The following AOAH variants were observed in gnomAD, a reference collection of about 807,000 sequenced individuals.
AOAH encodes the protein acyloxyacyl hydrolase.
Under a neutral mutation model 92.2 loss-of-function variants are expected in AOAH, and 64 were observed. The observed-to-expected ratio is 0.69, with a 90% CI of 0.57 to 0.86. The LOEUF (loss-of-function observed/expected upper bound fraction) is 0.86. Ranked by LOEUF, AOAH falls within the 40% of genes least tolerant of loss-of-function variation. The pLI is 0.00. For synonymous variants in AOAH, 263 were observed against 254.5 expected (o/e 1.03, Z -0.32); for missense variants, 656 against 694.6 (o/e 0.94, Z 0.62).
In AOAH at chr7:36,537,520, T is replaced by G. The variant is rs560536117; in HGVS notation, c.1306+2799A>C. On this transcript the variant is annotated intron_variant, in intron 16 of 20. Coordinates refer to ENST00000617537, the MANE Select transcript of AOAH (RefSeq NM_001637.4). ...GCACCCCTCTTGTTTTTTTTTTTTT[T>G]TTGTTTGTTTGTTTTGAGACTGAGT... Among the ~76,000 whole-genome samples the G allele has an allele frequency of 4.5e-4, 66 of 145,146 alleles. No individual in the cohort carries two copies. In the South Asian group the frequency reaches 0.014, roughly 30 times the overall value.
At chr7:36,561,980 G>A (rs1787304909) in intron 13 of AOAH, among the ~76,000 whole-genome samples, 1 of 152,202 alleles carries the variant, frequency 6.6e-6, no homozygotes, top group Non-Finnish European at 1.5e-5. Flanking sequence ...TACCCAAGGA[G>A]TGAGGACTTG....
At position 36,675,942 on chromosome 7, in the gene AOAH, A is replaced by AT. The variant is rs1211216836; in HGVS notation, c.224-1934dup. Among the ~76,000 whole-genome samples, 9 of 152,328 alleles carry AT rather than the reference A, an allele frequency of 5.9e-5. No homozygotes were observed. The East Asian group carries it at 1.2e-3, about 20-fold the overall frequency. On this transcript the variant is annotated intron_variant, in intron 2 of 20. Transcript: ENST00000617537. ...TGACAAAATATAACACTGCTTCATG[A>AT]TTTTATTAGGAATAAAAGGGAATGT...
At chr7:36,660,639 G>T (rs1180881671) in intron 3 of AOAH, among the ~76,000 whole-genome samples, 1 of 152,180 alleles carries the variant, frequency 6.6e-6, no homozygotes, top group African/African-American at 2.4e-5. Context: ...TATTCTTATG[G>T]AAGAAAGTAC....
chr7:36,655,327 G>A (rs1794814276), intron 4 of AOAH, among the ~76,000 whole-genome samples: 1 of 149,328 alleles, frequency 6.7e-6, no homozygotes, highest in Non-Finnish European at 1.5e-5. Context: ...TCAAAGGAGA[G>A]TTAACATTTT....
At chr7:36,524,605 G>A (rs28651571) in intron 19 of AOAH, among the ~76,000 whole-genome samples, 11,127 of 152,018 alleles carry the variant, frequency 0.073, 597 homozygotes, top group East Asian at 0.18. Context: ...GAACATGGGA[G>A]GCAGAGATTG....
At chr7:36,578,360 G>T (rs1312194781) in intron 12 of AOAH, among the ~76,000 whole-genome samples, 1 of 152,164 alleles carries the variant, frequency 6.6e-6, no homozygotes, top group South Asian at 2.1e-4. Context: ...ATGCTAGAAA[G>T]TTCTAAATTC....
In AOAH at chr7:36,621,736, G is replaced by A. The variant is rs200510886; in HGVS notation, c.627C>T (p.Ser209=). ...YHWRGRDCND[S]DESVYPGRRP... ...TTCTACCTGGGTACACTGACTCGTCGCTGTCATTACAGTCTCTCCCCCGCC... is the reference window on the plus strand; with the variant it reads ...TTCTACCTGGGTACACTGACTCGTCACTGTCATTACAGTCTCTCCCCCGCC... The change falls in exon 8 of 21, where the codon AGC becomes AGT. Residue 209 remains serine, a synonymous_variant. Coordinates refer to ENST00000617537, the MANE Select transcript of AOAH (RefSeq NM_001637.4). The A allele has an allele frequency of 3.3e-5, 53 of 1,613,914 alleles. No individual in the cohort carries two copies. The highest frequency in any genetic ancestry group is 3.8e-5 in the Non-Finnish European group (45 of 1,179,984).
intron 12 of AOAH, 109 bp from the exon 13 acceptor site, chr7:36,576,765 C>A: frequency 1.9e-6 from 1 of 524,818 alleles, no homozygotes; most frequent in South Asian, 3.3e-5. Context: ...AAAATGAACT[C>A]AAAAAATCAA....
At chr7:36,638,239 A>G (rs1244799410) in intron 4 of AOAH, among the ~76,000 whole-genome samples, 2 of 152,208 alleles carry the variant, frequency 1.3e-5, no homozygotes, top group Admixed American at 6.5e-5. Flanking sequence ...CAGAGAGGCA[A>G]TCTGAACCTC....
At chr7:36,588,951 ATCTCAGTTTTATT>A (rs1299164545) in intron 12 of AOAH, among the ~76,000 whole-genome samples, 2 of 152,134 alleles carry the variant, frequency 1.3e-5, no homozygotes. Context: ...CTGACTACAG[ATCTCAGTTTTATT>A]TCTCCAGCTT....
chr7:36,522,885 C>A (rs1028990204), intron 19 of AOAH, among the ~76,000 whole-genome samples: 1 of 152,154 alleles, frequency 6.6e-6, no homozygotes, highest in Non-Finnish European at 1.5e-5. Context: ...AGATTCCTCC[C>A]GTTCTTTACT....
At chr7:36,598,269 C>A (rs1418318144) in intron 11 of AOAH, 1 of 152,206 alleles carries the variant, frequency 6.6e-6, no homozygotes, top group Admixed American at 6.5e-5. Context: ...TGAATCACAA[C>A]TGGGGCCAGG....
intron 1 of AOAH, among the ~76,000 whole-genome samples, chr7:36,704,125 T>A (rs950088413): frequency 5.3e-5 from 8 of 152,166 alleles, no homozygotes; most frequent in African/African-American, 1.9e-4. Context: ...TTTTTTTTCA[T>A]GTTTGTTGGC....
chr7:36,622,735 G>A (rs1792370879), intron 7 of AOAH, among the ~76,000 whole-genome samples: 1 of 152,196 alleles, frequency 6.6e-6, no homozygotes, highest in Non-Finnish European at 1.5e-5. Context: ...TCATCACAAT[G>A]CTACAAAATC....
chr7:36,557,518 C>T (rs11973511), intron 13 of AOAH, among the ~76,000 whole-genome samples: 4,008 of 149,442 alleles, frequency 0.027, 164 homozygotes, highest in African/African-American at 0.094. Context: ...TTTCCTGAAT[C>T]TGAATGTTGG....
chr7:36,724,289 CAT>C lies in AOAH; in HGVS notation c.-143_-142del. On this transcript the variant is annotated 5_prime_UTR_variant, in exon 1 of 21. An upstream start codon of the reference 5' UTR is lost. Transcript: ENST00000617537. ...TTGACACACACACCCCACCCTCTCA[CAT>C]ACACACTTTTCAATAAGTGTGAAGT... 1.1e-6 allele frequency: 1 copy of C among 887,452 alleles called. No individual in the cohort carries two copies. Among genetic ancestry groups the C allele is most frequent in the Admixed American group, 2.4e-5 (1 of 41,050 alleles). The allele number at this position is 887,452 out of a possible 1,614,324, so 55.0% of individuals were successfully genotyped here.
intron 13 of AOAH, among the ~76,000 whole-genome samples, chr7:36,564,355 C>A (rs1156312057): frequency 6.6e-5 from 10 of 152,148 alleles, no homozygotes; most frequent in African/African-American, 2.4e-4. Flanking sequence ...CTTTGTTTCC[C>A]ATTTGATGAT....
chr7:36,517,562 T>C (rs1188158972), intron 20 of AOAH, among the ~76,000 whole-genome samples: 1 of 151,390 alleles, frequency 6.6e-6, no homozygotes, highest in Non-Finnish European at 1.5e-5. Context: ...GCAGCCTCTG[T>C]TAACATGGGG....
In AOAH at chr7:36,716,484, A is replaced by G. The variant is rs1177463163; in HGVS notation, c.127+7538T>C. Among the ~76,000 whole-genome samples the G allele has an allele frequency of 2.0e-5, 3 of 149,436 alleles. 1 individual carries two copies. Among genetic ancestry groups the G allele is most frequent in the African/African-American group, 7.6e-5 (3 of 39,664 alleles). On this transcript the variant is annotated intron_variant, in intron 1 of 20. Coordinates refer to ENST00000617537, the MANE Select transcript of AOAH (RefSeq NM_001637.4). ...CATCCCATTACTGGGTATACATCCAAAGGATTATATATCATGCTGCTATAA... is the reference window on the plus strand; with the variant it reads ...CATCCCATTACTGGGTATACATCCAGAGGATTATATATCATGCTGCTATAA...
Sources: gnomAD v4.1 joint callset for allele counts (sites outside exome capture counted in the v4.1 genomes callset) on GRCh38, gnomAD v4.1.1 for gene constraint, MANE v1.5 for transcripts, NCBI Gene and HGNC (gene_info 2026-07-23, HGNC 2026-07-21) for gene names.